The following STARD13 variants were observed in gnomAD, a reference collection of about 807,000 sequenced individuals.
STARD13 encodes the protein stAR-related lipid transfer protein 13.
A neutral mutation model predicts 106.4 loss-of-function variants in STARD13; 62 were observed. The observed-to-expected ratio is 0.58, with a 90% CI of 0.48 to 0.72. The LOEUF is 0.72. Ranked by LOEUF, STARD13 falls within the 30% of genes least tolerant of loss-of-function variation. The pLI, the probability that STARD13 is intolerant of heterozygous loss-of-function variation, is 0.00. For synonymous variants in STARD13, 565 were observed against 553.0 expected (o/e 1.02, Z -0.31); for missense variants, 1,387 against 1,424.0 (o/e 0.97, Z 0.42).
At chr13:33,587,215 C>CA in the STARD13 span, among the ~76,000 whole-genome samples, 11,286 of 96,558 alleles carry the variant, frequency 0.12, 680 homozygotes, top group African/African-American at 0.2. Context: ...GACTCTGTCT[C>CA]AAAAAAAAAA....
chr13:33,178,496 T>C (rs1884929787), intron 1 of STARD13, among the ~76,000 whole-genome samples: 1 of 152,246 alleles, frequency 6.6e-6, no homozygotes, highest in Non-Finnish European at 1.5e-5. Context: ...ACATCTCATA[T>C]GGTTTTGATT....
At chr13:33,402,914 A>G in the STARD13 span, among the ~76,000 whole-genome samples, 1 of 152,168 alleles carries the variant, frequency 6.6e-6, no homozygotes, top group Admixed American at 6.5e-5. Context: ...AAAACCCCGC[A>G]TTCATCCTTC....
At chr13:33,582,032 AAC>A in the STARD13 span, among the ~76,000 whole-genome samples, 1 of 152,076 alleles carries the variant, frequency 6.6e-6, no homozygotes, top group African/African-American at 2.4e-5. Context: ...CATCCTGGCT[AAC>A]ACAGTGAAAC....
At chr13:33,302,314 G>A (rs1255385674) in intron 1 of STARD13, among the ~76,000 whole-genome samples, 1 of 152,170 alleles carries the variant, frequency 6.6e-6, no homozygotes, top group Non-Finnish European at 1.5e-5. Context: ...CTGAAGTAAT[G>A]ATAGCTCACA....
At chr13:33,399,700 CA>C in the STARD13 span, among the ~76,000 whole-genome samples, 3,115 of 26,770 alleles carry the variant, frequency 0.12, 4 homozygotes, top group Non-Finnish European at 0.15. Flanking sequence ...GACTCTGTCT[CA>C]AAAAAAAAAA....
chr13:33,349,216 C>A, exon 2 of STARD13: 2 of 702,350 alleles, frequency 2.8e-6, no homozygotes, highest in South Asian at 1.5e-5. Context: ...AAGAGATAGT[C>A]CTGGAGAGGA....
At chr13:33,356,164 A>G in the STARD13 span, among the ~76,000 whole-genome samples, 1 of 152,212 alleles carries the variant, frequency 6.6e-6, no homozygotes, top group African/African-American at 2.4e-5. Flanking sequence ...GATGGCATTC[A>G]CAGGCCATTG....
chr13:33,397,680 A>G, the STARD13 span, among the ~76,000 whole-genome samples: 2 of 152,214 alleles, frequency 1.3e-5, no homozygotes, highest in African/African-American at 2.4e-5. Flanking sequence ...ATGGGTTTTG[A>G]GAGAAATTCA....
intron 1 of STARD13, among the ~76,000 whole-genome samples, chr13:33,266,044 G>T (rs1890882216): frequency 6.6e-6 from 1 of 152,112 alleles, no homozygotes; most frequent in African/African-American, 2.4e-5. Context: ...ATCCCTCATG[G>T]TATTTTTCTG....
At chr13:33,506,205 C>G in the STARD13 span, among the ~76,000 whole-genome samples, 4 of 152,084 alleles carry the variant, frequency 2.6e-5, no homozygotes, top group Admixed American at 2.0e-4. Context: ...AAGAAAGAAG[C>G]ATTAAAGCAC....
At chr13:33,398,973 T>C in the STARD13 span, among the ~76,000 whole-genome samples, 96 of 152,224 alleles carry the variant, frequency 6.3e-4, no homozygotes, top group African/African-American at 2.1e-3. Context: ...TTAAATAGCA[T>C]TAAGCTACAA....
the STARD13 span, among the ~76,000 whole-genome samples, chr13:33,545,336 C>T: frequency 6.6e-6 from 1 of 152,108 alleles, no homozygotes; most frequent in Admixed American, 6.5e-5. Flanking sequence ...ACCTCGTGAT[C>T]CGCCTGCCTC....
At chr13:33,508,526 A>G in the STARD13 span, among the ~76,000 whole-genome samples, 1 of 152,210 alleles carries the variant, frequency 6.6e-6, no homozygotes, top group African/African-American at 2.4e-5. Context: ...TTAAACTTTT[A>G]TAAGCTGAAT....
At chr13:33,670,121 T>G in the STARD13 span, among the ~76,000 whole-genome samples, 1 of 152,178 alleles carries the variant, frequency 6.6e-6, no homozygotes, top group South Asian at 2.1e-4. Flanking sequence ...GGATTACATA[T>G]GTATTCACAA....
chr13:33,484,283 G>A, the STARD13 span, among the ~76,000 whole-genome samples: 1 of 152,114 alleles, frequency 6.6e-6, no homozygotes, highest in East Asian at 1.9e-4. Context: ...ATTATGAAAG[G>A]GGCCTGAATT....
the STARD13 span, among the ~76,000 whole-genome samples, chr13:33,558,664 T>TGCTCAGAGGTC: frequency 1.3e-5 from 2 of 151,988 alleles, no homozygotes; most frequent in African/African-American, 4.8e-5. Context: ...GCTCAGAAGC[T>TGCTCAGAGGTC]AATGTTTCAC....
At chr13:33,255,100 C>A (rs1017097254) in intron 1 of STARD13, among the ~76,000 whole-genome samples, 1 of 136,538 alleles carries the variant, frequency 7.3e-6, no homozygotes, top group Non-Finnish European at 1.6e-5. Context: ...CTGTGTGCTC[C>A]CCCCCCCCTC....
chr13:33,312,958 T>G (rs1039195586), intron 1 of STARD13, among the ~76,000 whole-genome samples: 1 of 152,202 alleles, frequency 6.6e-6, no homozygotes, highest in African/African-American at 2.4e-5. Flanking sequence ...GTGATAACAA[T>G]TCTAAGCCAA....
At chr13:33,633,652 G>C in the STARD13 span, among the ~76,000 whole-genome samples, 1 of 152,144 alleles carries the variant, frequency 6.6e-6, no homozygotes, top group African/African-American at 2.4e-5. Flanking sequence ...TGTTTAAAAA[G>C]TAAAAGGCAG....
Sources: gnomAD v4.1 joint callset for allele counts (sites outside exome capture counted in the v4.1 genomes callset) on GRCh38, gnomAD v4.1.1 for gene constraint, MANE v1.5 for transcripts, NCBI Gene and HGNC (gene_info 2026-07-23, HGNC 2026-07-21) for gene names.